The following INTS2 variants were observed in gnomAD, a reference collection of about 807,000 sequenced individuals.
The protein encoded by INTS2 is integrator complex subunit 2, also known as KIAA1287.
In INTS2, 57 loss-of-function variants were observed where a neutral mutation model predicts 139.6. The ratio of observed to expected loss-of-function variants is 0.41; its 90% CI spans 0.33 to 0.51. INTS2 has a LOEUF of 0.51. Ranked by LOEUF, INTS2 falls within the 20% of genes least tolerant of loss-of-function variation. The pLI is 0.28. For synonymous variants in INTS2, 473 were observed against 493.4 expected (o/e 0.96, Z 0.55); for missense variants, 1,196 against 1,436.7 (o/e 0.83, Z 2.71).
At position 61,866,647 on chromosome 17, in the gene INTS2, A is replaced by T. The variant is rs1162409529; in HGVS notation, c.*910T>A. The T allele has an allele frequency of 2.0e-5, 3 of 152,310 alleles. No homozygotes were observed. The highest frequency in any genetic ancestry group is 4.4e-5 in the Non-Finnish European group (3 of 68,022). The allele number at this position is 152,310 out of a possible 1,614,324, so 9.4% of individuals were successfully genotyped here. A position where few individuals can be genotyped will look rare whatever the true frequency, so the allele number is the denominator to read the frequency against. On this transcript the variant is annotated 3_prime_UTR_variant, in exon 25 of 25. Coordinates refer to ENST00000251334, the MANE Select transcript of INTS2 (RefSeq NM_001351695.2). Reference sequence around the variant, plus strand: ...CTTCTCAAAGTAAGATATGAATTATAATCCTGATGACAAACCAAGAGCTCT... The same window carrying T: ...CTTCTCAAAGTAAGATATGAATTATTATCCTGATGACAAACCAAGAGCTCT...
Position 61,897,147 on chromosome 17 carries a change from A to G in INTS2, c.1494+322T>C, listed in dbSNP as rs1315121268. On this transcript the variant is annotated intron_variant, in intron 11 of 24. Coordinates refer to ENST00000251334, the MANE Select transcript of INTS2 (RefSeq NM_001351695.2). The surrounding 1 kb of genome is among the most constrained non-coding windows in gnomAD (Gnocchi z 4.4). ...TGATATGAGTAAATGCTCATCATAT[A>G]TTAATTTTTTTAAATCATCAAATAT... is the stretch of plus-strand genomic sequence containing the variant. Among the ~76,000 whole-genome samples the G allele has an allele frequency of 6.6e-6, 1 of 151,774 alleles. No homozygotes were observed. The highest frequency in any genetic ancestry group is 1.5e-5 in the Non-Finnish European group (1 of 67,712).
chr17:61,900,411 C>A (rs922144407), intron 9 of INTS2, among the ~76,000 whole-genome samples: 2 of 152,174 alleles, frequency 1.3e-5, no homozygotes, highest in African/African-American at 4.8e-5. Flanking sequence ...AATCATGCAT[C>A]TGAATTAAGG....
intron 17 of INTS2, among the ~76,000 whole-genome samples, chr17:61,880,711 C>G (rs1021805052): frequency 6.7e-6 from 1 of 150,004 alleles, no homozygotes; most frequent in African/African-American, 2.5e-5. Context: ...GAGATCACGC[C>G]ACTGCACTCC....
chr17:61,887,482 CAAA>C (rs1240524678), intron 15 of INTS2, among the ~76,000 whole-genome samples: 3 of 50,566 alleles, frequency 5.9e-5, no homozygotes, highest in Admixed American at 2.2e-4. Context: ...GACTCTGTCT[CAAA>C]AAAAAAAAAA....
chr17:61,911,214 C>G (rs1239546684), intron 7 of INTS2: 1 of 363,252 alleles, frequency 2.8e-6, no homozygotes, highest in African/African-American at 2.1e-5. Context: ...CTGCTTCAGC[C>G]TCCTAAGTAG....
chr17:61,893,826 A>C lies in INTS2; in HGVS notation c.1637T>G (p.Ile546Ser). The C allele has an allele frequency of 6.3e-7, 1 of 1,583,858 alleles. No individual in the cohort carries two copies. The highest frequency in any genetic ancestry group is 1.3e-5 in the African/African-American group (1 of 74,256). ...CCTGAGAAGCTGGTAAATACAATGA[A>C]TAGGCAAAAATCCAGTAATGTTGGC... ...LSANITGFLP[I>S]HCIYQLLRSR... The change falls in exon 13 of 25, where the codon ATT (isoleucine) becomes AGT (serine). Residue 546 changes from isoleucine (I) to serine (S), a missense_variant. Coordinates refer to ENST00000251334, the MANE Select transcript of INTS2 (RefSeq NM_001351695.2). This position sits in a 1 kb window ranked among gnomAD's most constrained non-coding sequence, Gnocchi z 5.4.
intron 1 of INTS2, 50 bp from the exon 2 acceptor site, chr17:61,926,712 G>A (rs1415175571): frequency 2.8e-6 from 4 of 1,428,558 alleles, no homozygotes; most frequent in Non-Finnish European, 3.9e-6. Flanking sequence ...TCACATGTAT[G>A]AACACCCAAC....
chr17:61,926,260 C>T, intron 2 of INTS2, 92 bp downstream of exon 2: 1 of 1,040,934 alleles, frequency 9.6e-7, no homozygotes, highest in Non-Finnish European at 1.4e-6. Context: ...AATTTAGATT[C>T]TCATTCTCTC....
chr17:61,880,458 G>A (rs1471251671), intron 17 of INTS2, among the ~76,000 whole-genome samples: 4 of 152,006 alleles, frequency 2.6e-5, no homozygotes, highest in African/African-American at 9.7e-5. Context: ...AGAAAGAAAT[G>A]GTAAAAATTC....
Position 61,875,777 on chromosome 17 carries a change from C to A in INTS2, c.2457-739G>T, listed in dbSNP as rs533548340. Reference sequence around the variant, plus strand: ...TAGGGATAAGGAGAAAAAAAATTTTCGAACTATTAATATCCTAAAAGAATA... The same window carrying A: ...TAGGGATAAGGAGAAAAAAAATTTTAGAACTATTAATATCCTAAAAGAATA... On this transcript the variant is annotated intron_variant, in intron 18 of 24. Coordinates refer to ENST00000251334, the MANE Select transcript of INTS2 (RefSeq NM_001351695.2). The surrounding 1 kb of genome is among the most constrained non-coding windows in gnomAD (Gnocchi z 4.6). Among the ~76,000 whole-genome samples, 3 of 152,080 alleles carry A rather than the reference C, an allele frequency of 2.0e-5. No individual in the cohort carries two copies. In the South Asian group the frequency reaches 6.2e-4, roughly 32 times the overall value.
rs1338549181 is a variant in INTS2, at chr17:61,867,686, T to C, written c.3462A>G (p.Gln1154=). 1 of 1,610,526 alleles carries C rather than the reference T, an allele frequency of 6.2e-7. No homozygotes were observed. Among genetic ancestry groups the C allele is most frequent in the East Asian group, 2.2e-5 (1 of 44,828 alleles). ...TTTTATAAGATGAATCTTTACAGAT[T>C]TGAGACCATCCACTTGGTTTCTCCT... ...QIKEKPSGWS[Q]ICKDSSYKNG... Residue 1154 remains glutamine, a synonymous_variant, in exon 25 of 25, where the codon CAA becomes CAG. Coordinates refer to ENST00000251334, the MANE Select transcript of INTS2 (RefSeq NM_001351695.2). This position sits in a 1 kb window ranked among gnomAD's most constrained non-coding sequence, Gnocchi z 5.6.
intron 9 of INTS2, among the ~76,000 whole-genome samples, chr17:61,901,577 CTTTTTTTTTTTTTTTTTT>C (rs55751869): frequency 1.9e-3 from 93 of 49,456 alleles, no homozygotes; most frequent in African/African-American, 8.6e-3. Flanking sequence ...AGAATGATTT[CTTTTTTTTTTTTTTTTTT>C]TTTTTTTTTT....
chr17:61,891,470 A>G, intron 14 of INTS2, 43 bp downstream of exon 14: 1 of 1,450,954 alleles, frequency 6.9e-7, no homozygotes. Context: ...AGAAGAACTA[A>G]AAGAAAAATA....
intron 17 of INTS2, among the ~76,000 whole-genome samples, chr17:61,879,590 C>A (rs914478574): frequency 6.6e-6 from 1 of 152,168 alleles, no homozygotes; most frequent in African/African-American, 2.4e-5. Context: ...GTGGTTCATG[C>A]TTGTAATTCC....
Position 61,919,382 on chromosome 17 carries a change from T to C in INTS2, c.649+18A>G. 1 of 1,264,990 alleles carries C rather than the reference T, an allele frequency of 7.9e-7. No homozygotes were observed. The highest frequency in any genetic ancestry group is 1.1e-6 in the Non-Finnish European group (1 of 880,562). The allele number at this position is 1,264,990 out of a possible 1,614,324, so 78.4% of individuals were successfully genotyped here. A position where few individuals can be genotyped will look rare whatever the true frequency, so the allele number is the denominator to read the frequency against. ...CCAAGCAAGTCTTTTCAATATACCA[T>C]ATTAGAATCATATTTACCTTCATTA... On this transcript the variant is annotated intron_variant, in intron 5 of 24. Transcript: ENST00000251334.
At chr17:61,916,794 CAA>C (rs1438838972) in intron 5 of INTS2, among the ~76,000 whole-genome samples, 1 of 152,114 alleles carries the variant, frequency 6.6e-6, no homozygotes, top group East Asian at 1.9e-4. Flanking sequence ...CAAAAATTGA[CAA>C]GTGTGACCTA....
rs533381130 is a variant in INTS2 at position 61,876,960 on chromosome 17, C to T, written c.2456+927G>A. Reference sequence around the variant, plus strand: ...TGAAATTGTAATTAAAGGATTATCACATAGCTCAATTATGAAACCACTTCT... The same window carrying T: ...TGAAATTGTAATTAAAGGATTATCATATAGCTCAATTATGAAACCACTTCT... On this transcript the variant is annotated intron_variant, in intron 18 of 24. Coordinates refer to ENST00000251334, the MANE Select transcript of INTS2 (RefSeq NM_001351695.2). This position sits in a 1 kb window ranked among gnomAD's most constrained non-coding sequence, Gnocchi z 4.1. 6.6e-6 allele frequency among the ~76,000 whole-genome samples: 1 copy of T among 152,286 alleles called. No individual in the cohort carries two copies. Among genetic ancestry groups the T allele is most frequent in the East Asian group, 1.9e-4 (1 of 5,188 alleles).
rs1199290894 is a variant in INTS2 at position 61,870,585 on chromosome 17, C to T, written c.2779-597G>A. ...GGTAATGGCAATATATTTGAGGCCC[C>T]TATATATAAAGGAGAGCTAAAATCA... On this transcript the variant is annotated intron_variant, in intron 20 of 24. Coordinates refer to ENST00000251334, the MANE Select transcript of INTS2 (RefSeq NM_001351695.2). The surrounding 1 kb of genome is among the most constrained non-coding windows in gnomAD (Gnocchi z 4.4). Among the ~76,000 whole-genome samples the T allele has an allele frequency of 1.3e-5, 2 of 151,968 alleles. No individual in the cohort carries two copies. The highest frequency in any genetic ancestry group is 2.9e-5 in the Non-Finnish European group (2 of 67,992).
chr17:61,865,880 CAT>C lies in INTS2; in HGVS notation c.*1675_*1676del, dbSNP rs779228859. The C allele has an allele frequency of 4.6e-5, 7 of 152,366 alleles. No individual in the cohort carries two copies. Among genetic ancestry groups the C allele is most frequent in the Non-Finnish European group, 7.4e-5 (5 of 68,022 alleles). 9.4% of individuals were successfully genotyped at this position (152,366 alleles called of 1,614,324 possible). On this transcript the variant is annotated 3_prime_UTR_variant, in exon 25 of 25. Transcript: ENST00000251334. The surrounding 1 kb of genome is among the most constrained non-coding windows in gnomAD (Gnocchi z 4.8). Reference sequence around the variant, plus strand: ...ATAAAAAGTTATAAATATTCTATCACATGTGATACTATGCACTTCATGATTTG... The same window carrying C: ...ATAAAAAGTTATAAATATTCTATCACGTGATACTATGCACTTCATGATTTG...
Sources: gnomAD v4.1 joint callset for allele counts (sites outside exome capture counted in the v4.1 genomes callset) on GRCh38, gnomAD v4.1.1 for gene constraint, Gnocchi (gnomAD v3.1) non-coding constraint, MANE v1.5 for transcripts, NCBI Gene and HGNC (gene_info 2026-07-23, HGNC 2026-07-21) for gene names.